SCN11A: variants seen among roughly 807,000 people sequenced by gnomAD.
SCN11A encodes the protein sodium voltage-gated channel alpha subunit 11, also known as sodium channel protein type 11 subunit alpha.
A neutral mutation model predicts 162.2 loss-of-function variants in SCN11A; 122 were observed. The ratio of observed to expected loss-of-function variants is 0.75; its 90% CI spans 0.65 to 0.87. The LOEUF (loss-of-function observed/expected upper bound fraction) is 0.87. Among genes scored for constraint, SCN11A ranks in the 40% least tolerant of loss-of-function variants. The pLI, the probability that SCN11A is intolerant of heterozygous loss-of-function variation, is 0.00. For missense variants in SCN11A, 2,015 were observed against 2,181.6 expected (o/e 0.92, Z 1.52); for synonymous variants, 758 against 751.5 (o/e 1.01, Z -0.14).
chr3:38,889,404 G>A (rs565427992), intron 19 of SCN11A, among the ~76,000 whole-genome samples: 2 of 152,062 alleles, frequency 1.3e-5, no homozygotes, highest in East Asian at 3.9e-4. Context: ...CAGCCTGGGT[G>A]GCAAGAGCAA....
rs894771861 is a variant in SCN11A at position 39,051,874 on chromosome 3, T to C, written c.-417A>G. On this transcript the variant is annotated 5_prime_UTR_variant, in exon 1 of 30. Transcript: ENST00000302328. ...AGGTGCATCTACCTCATCACATGGCTACCGGCCACACAGCAACTAACAGCA... is the reference window on the plus strand; with the variant it reads ...AGGTGCATCTACCTCATCACATGGCCACCGGCCACACAGCAACTAACAGCA... The C allele has an allele frequency of 9.1e-6, 8 of 877,572 alleles. No individual in the cohort carries two copies. The highest frequency in any genetic ancestry group is 1.4e-5 in the Non-Finnish European group (8 of 555,084). 54.4% of individuals were successfully genotyped at this position (877,572 alleles called of 1,614,324 possible).
At chr3:38,978,993 A>G (rs2125589644) in intron 2 of SCN11A, among the ~76,000 whole-genome samples, 1 of 152,286 alleles carries the variant, frequency 6.6e-6, no homozygotes, top group South Asian at 2.1e-4. Context: ...AGAACTTCTA[A>G]TTGGGCCAAA....
intron 27 of SCN11A, among the ~76,000 whole-genome samples, chr3:38,865,084 T>G (rs1349942800): frequency 2.0e-5 from 3 of 152,118 alleles, no homozygotes; most frequent in Non-Finnish European, 4.4e-5. Flanking sequence ...TGTGGTTTGC[T>G]CCATAAAAAA....
intron 2 of SCN11A, among the ~76,000 whole-genome samples, chr3:38,971,905 A>G (rs752237565): frequency 8.5e-5 from 13 of 152,164 alleles, no homozygotes; most frequent in Non-Finnish European, 1.6e-4. Flanking sequence ...CTGCTTCCAG[A>G]AAGACACTTG....
chr3:38,894,404 G>A, intron 19 of SCN11A, 129 bp downstream of exon 19: 2 of 745,452 alleles, frequency 2.7e-6, no homozygotes, highest in Non-Finnish European at 4.5e-6. Flanking sequence ...GTGCACATGG[G>A]TATCAAAGGG....
intron 29 of SCN11A, among the ~76,000 whole-genome samples, chr3:38,849,089 G>A (rs1323664113): frequency 2.0e-5 from 3 of 152,110 alleles, no homozygotes; most frequent in African/African-American, 4.8e-5. Flanking sequence ...CAATTGCCAA[G>A]CAGTTGTTCA....
At chr3:38,882,665 A>C (rs372099095) in intron 22 of SCN11A, among the ~76,000 whole-genome samples, 15 of 152,158 alleles carry the variant, frequency 9.9e-5, no homozygotes, top group African/African-American at 3.6e-4. Flanking sequence ...CTATGGCTAT[A>C]GAAGCTGATG....
At chr3:38,972,839 G>A (rs1046958914) in intron 2 of SCN11A, among the ~76,000 whole-genome samples, 2 of 152,198 alleles carry the variant, frequency 1.3e-5, no homozygotes, top group African/African-American at 4.8e-5. Context: ...ATCTGTTAGA[G>A]TTTGGAATTT....
At chr3:38,925,795 G>A (rs913540815) in intron 8 of SCN11A, among the ~76,000 whole-genome samples, 18 of 152,188 alleles carry the variant, frequency 1.2e-4, no homozygotes, top group Admixed American at 6.5e-5. Flanking sequence ...AATAATAGAA[G>A]TCCTCTCAAA....
intron 2 of SCN11A, among the ~76,000 whole-genome samples, chr3:39,005,340 A>G (rs1160728941): frequency 5.3e-5 from 8 of 152,232 alleles, no homozygotes; most frequent in Admixed American, 5.2e-4. Flanking sequence ...TCTTCCCTCA[A>G]TACAGGGCTC....
chr3:38,953,219 G>T (rs2066642722), intron 4 of SCN11A, among the ~76,000 whole-genome samples: 1 of 152,098 alleles, frequency 6.6e-6, no homozygotes, highest in African/African-American at 2.4e-5. Flanking sequence ...GAAACTCATG[G>T]ACACATAGAG....
chr3:38,972,382 G>A (rs539224611), intron 2 of SCN11A, among the ~76,000 whole-genome samples: 72 of 152,228 alleles, frequency 4.7e-4, no homozygotes, highest in African/African-American at 1.7e-3. Flanking sequence ...GTCATTGGCA[G>A]CCCAGGTAGC....
chr3:38,999,030 A>T (rs911053544), intron 2 of SCN11A, among the ~76,000 whole-genome samples: 1 of 152,186 alleles, frequency 6.6e-6, no homozygotes, highest in Admixed American at 6.5e-5. Flanking sequence ...CACGTTGTGC[A>T]CATGTACCCT....
chr3:39,051,920 G>C lies in SCN11A; in HGVS notation c.-463C>G. On this transcript the variant is annotated 5_prime_UTR_variant, in exon 1 of 30. Transcript: ENST00000302328. The stretch of plus-strand genomic sequence containing the variant: ...CAGCACCGAGGAAACACAACAGCCT[G>C]TTTACCTTCAGCCCCGCCACTAACC... The C allele has an allele frequency of 7.1e-7, 1 of 1,416,400 alleles. No homozygotes were observed. Among genetic ancestry groups the C allele is most frequent in the South Asian group, 1.2e-5 (1 of 83,984 alleles). 87.7% of individuals were successfully genotyped at this position (1,416,400 alleles called of 1,614,324 possible). A position where few individuals can be genotyped will look rare whatever the true frequency, so the allele number is the denominator to read the frequency against.
In SCN11A at chr3:38,909,660, G is replaced by A. The variant is rs532760202; in HGVS notation, c.1101+406C>T. Among the ~76,000 whole-genome samples the A allele has an allele frequency of 1.1e-4, 16 of 143,282 alleles. No homozygotes were observed. The East Asian group carries it at 2.5e-3, about 22-fold the overall frequency. The allele number at this position is 143,282 out of a possible 152,430, so 94.0% of individuals were successfully genotyped here. A position where few individuals can be genotyped will look rare whatever the true frequency, so the allele number is the denominator to read the frequency against. On this transcript the variant is annotated intron_variant, in intron 12 of 29. Coordinates refer to ENST00000302328, the MANE Select transcript of SCN11A (RefSeq NM_001349253.2). ...TGCAGTGGTGTGATCTCGGCTCATT[G>A]CAACCTCCGCCTCCTAGGTTCAAGT...
chr3:39,009,113 GC>G (rs2031057615), intron 2 of SCN11A, among the ~76,000 whole-genome samples: 1 of 152,002 alleles, frequency 6.6e-6, no homozygotes, highest in South Asian at 2.1e-4. Context: ...GAATGAAAAA[GC>G]AGATATGAGA....
Position 38,876,042 on chromosome 3 carries a change from C to G in SCN11A, c.3394-3748G>C, listed in dbSNP as rs192122888. On this transcript the variant is annotated intron_variant, in intron 23 of 29. Coordinates refer to ENST00000302328, the MANE Select transcript of SCN11A (RefSeq NM_001349253.2). ...AGACCAATTGAACAGAATAAAGAACCCAGAAATAAAGCCAAATACCTACAG... is the reference window on the plus strand; with the variant it reads ...AGACCAATTGAACAGAATAAAGAACGCAGAAATAAAGCCAAATACCTACAG... 2.2e-4 allele frequency among the ~76,000 whole-genome samples: 33 copies of G among 152,018 alleles called. No homozygotes were observed. The East Asian group carries it at 6.0e-3, about 28-fold the overall frequency.
chr3:39,035,603 G>T (rs2125613555), intron 1 of SCN11A, among the ~76,000 whole-genome samples: 1 of 152,084 alleles, frequency 6.6e-6, no homozygotes, highest in African/African-American at 2.4e-5. Flanking sequence ...CTGAAGTGCA[G>T]TGGCTATTCA....
In SCN11A at chr3:39,038,697, T is replaced by G. The variant is rs192062299; in HGVS notation, c.-403-6194A>C. Reference sequence around the variant, plus strand: ...ATCACCAAGTCTAGTTGGTGGCCATTCTTCTTCAAGTTCTGTACTGATTTC... The same window carrying G: ...ATCACCAAGTCTAGTTGGTGGCCATGCTTCTTCAAGTTCTGTACTGATTTC... On this transcript the variant is annotated intron_variant, in intron 1 of 29. Transcript: ENST00000302328. Among the ~76,000 whole-genome samples, 4 of 152,350 alleles carry G rather than the reference T, an allele frequency of 2.6e-5. No individual in the cohort carries two copies. The East Asian group carries it at 7.7e-4, about 29-fold the overall frequency.
Sources: allele counts gnomAD v4.1 joint callset (sites outside exome capture counted in the v4.1 genomes callset), GRCh38; gene constraint gnomAD v4.1.1; transcripts MANE v1.5; gene names NCBI Gene and HGNC (gene_info 2026-07-23, HGNC 2026-07-21).